The following CDH13 variants were observed in gnomAD, a reference collection of about 807,000 sequenced individuals.
CDH13 encodes the protein cadherin 13.
In CDH13, 24 loss-of-function variants were observed where a neutral mutation model predicts 63.8. The ratio of observed to expected loss-of-function variants is 0.38; its 90% CI spans 0.27 to 0.53. CDH13 has a LOEUF of 0.53. Among genes scored for constraint, CDH13 ranks in the 20% least tolerant of loss-of-function variants. The pLI, the probability that CDH13 is intolerant of heterozygous loss-of-function variation, is 0.85. For synonymous variants in CDH13, 503 were observed against 355.3 expected (o/e 1.42, Z -4.67); for missense variants, 1,049 against 903.1 (o/e 1.16, Z -2.07).
intron 2 of CDH13, among the ~76,000 whole-genome samples, chr16:82,919,334 A>AT (rs2042086141): frequency 6.6e-6 from 1 of 152,006 alleles, no homozygotes; most frequent in African/African-American, 2.4e-5. Flanking sequence ...TCCAATAGTT[A>AT]TTTTTTTCTG....
chr16:82,747,248 A>G (rs1242261276), intron 1 of CDH13, among the ~76,000 whole-genome samples: 2 of 152,194 alleles, frequency 1.3e-5, no homozygotes, highest in Non-Finnish European at 2.9e-5. Context: ...ACCTGGTTAG[A>G]AATTCATAAT....
At chr16:83,381,324 C>T (rs773476167) in intron 6 of CDH13, among the ~76,000 whole-genome samples, 1 of 152,054 alleles carries the variant, frequency 6.6e-6, no homozygotes, top group South Asian at 2.1e-4. Flanking sequence ...CTTTCCCTGC[C>T]CCTTCATGTC....
chr16:82,967,403 C>T (rs559270215), intron 2 of CDH13, among the ~76,000 whole-genome samples: 5 of 152,228 alleles, frequency 3.3e-5, no homozygotes, highest in African/African-American at 1.2e-4. Context: ...GTGTATGCTC[C>T]CTGGGGACTG....
chr16:83,410,575 C>G (rs1020926171), intron 6 of CDH13, among the ~76,000 whole-genome samples: 1 of 152,094 alleles, frequency 6.6e-6, no homozygotes, highest in Non-Finnish European at 1.5e-5. Flanking sequence ...GTATTACCAT[C>G]TTTTGTAAGC....
At chr16:82,635,362 G>A (rs1908526208) in intron 1 of CDH13, among the ~76,000 whole-genome samples, 1 of 152,234 alleles carries the variant, frequency 6.6e-6, no homozygotes, top group Admixed American at 6.5e-5. Context: ...AGTAGAGGGT[G>A]TGGGTGGGGA....
rs568048003 is a variant in CDH13 at position 82,775,080 on chromosome 16, G to C, written c.46-83282G>C. 3.9e-5 allele frequency among the ~76,000 whole-genome samples: 6 copies of C among 152,330 alleles called. No homozygotes were observed. In the South Asian group the frequency reaches 8.3e-4, roughly 21 times the overall value. ...AGAGTAGAATAGGGTATGGTGAACA[G>C]GAGATGTCTCTACCACTCACTTGGG... On this transcript the variant is annotated intron_variant, in intron 1 of 13. Coordinates refer to ENST00000567109, the MANE Select transcript of CDH13 (RefSeq NM_001257.5).
chr16:83,679,485 G>A (rs180912396), intron 10 of CDH13, among the ~76,000 whole-genome samples: 152 of 152,338 alleles, frequency 1.0e-3, no homozygotes, highest in African/African-American at 3.5e-3. Flanking sequence ...GAGCAAGCCG[G>A]TGGAGAAGAA....
At chr16:83,336,455 A>G (rs2090600011) in intron 5 of CDH13, among the ~76,000 whole-genome samples, 2 of 152,298 alleles carry the variant, frequency 1.3e-5, no homozygotes, top group East Asian at 3.9e-4. Context: ...AGTGCCCCAG[A>G]GAGGTAATTC....
chr16:83,680,548 G>A (rs558978320), intron 10 of CDH13, among the ~76,000 whole-genome samples: 19 of 152,256 alleles, frequency 1.2e-4, no homozygotes, highest in African/African-American at 4.3e-4. Context: ...TGAGCCATGG[G>A]GAGCAAAGGT....
chr16:82,697,739 TTGTGTGTGTGTGTGTG>T (rs56791322), intron 1 of CDH13, among the ~76,000 whole-genome samples: 1,641 of 146,666 alleles, frequency 0.011, 17 homozygotes, highest in East Asian at 0.014. Flanking sequence ...GGCCGAGGCA[TTGTGTGTGTGTGTGTG>T]TGTGTGTGTG....
At chr16:83,455,179 G>A (rs937833538) in intron 6 of CDH13, among the ~76,000 whole-genome samples, 17 of 152,164 alleles carry the variant, frequency 1.1e-4, no homozygotes, top group African/African-American at 2.9e-4. Context: ...ATGAACCCAC[G>A]TATCTCTGAC....
chr16:83,780,449 C>T (rs945516725), intron 12 of CDH13, among the ~76,000 whole-genome samples: 1 of 152,202 alleles, frequency 6.6e-6, no homozygotes, highest in South Asian at 2.1e-4. Flanking sequence ...ATACTGTACA[C>T]CCTGTGTTGT....
chr16:83,244,857 T>A (rs1449332518), intron 5 of CDH13, among the ~76,000 whole-genome samples: 5 of 151,402 alleles, frequency 3.3e-5, no homozygotes, highest in Non-Finnish European at 7.4e-5. Flanking sequence ...CTGCCCAGAG[T>A]TTTTCCTGGA....
chr16:83,581,995 G>A (rs1905653669), intron 7 of CDH13, among the ~76,000 whole-genome samples: 1 of 152,132 alleles, frequency 6.6e-6, no homozygotes, highest in Non-Finnish European at 1.5e-5. Context: ...CTATGGCTCT[G>A]TCCACACTGG....
chr16:82,698,029 A>T, intron 1 of CDH13, among the ~76,000 whole-genome samples: 1 of 152,150 alleles, frequency 6.6e-6, no homozygotes, highest in East Asian at 1.9e-4. Context: ...CATAGGGGCT[A>T]TAAAGAAGTA....
intron 1 of CDH13, among the ~76,000 whole-genome samples, chr16:82,805,553 A>T (rs2037099455): frequency 6.6e-6 from 1 of 152,154 alleles, no homozygotes; most frequent in Non-Finnish European, 1.5e-5. Context: ...CCAATGACAG[A>T]TAGTTGAGGA....
At chr16:82,738,545 C>T (rs1387606387) in intron 1 of CDH13, among the ~76,000 whole-genome samples, 1 of 152,206 alleles carries the variant, frequency 6.6e-6, no homozygotes, top group Non-Finnish European at 1.5e-5. Flanking sequence ...TAGTAGTTAG[C>T]CCTCCGCTAC....
chr16:82,638,164 T>C (rs145282868), intron 1 of CDH13, among the ~76,000 whole-genome samples: 136 of 152,284 alleles, frequency 8.9e-4, no homozygotes, highest in African/African-American at 2.9e-3. Context: ...CTACCAACTA[T>C]GAAGAACGCT....
At chr16:82,768,859 G>C (rs181047692) in intron 1 of CDH13, among the ~76,000 whole-genome samples, 10 of 152,134 alleles carry the variant, frequency 6.6e-5, no homozygotes, top group Admixed American at 5.2e-4. Flanking sequence ...TTCTGTGTCC[G>C]CAGGCTCCCT....
Sources: allele counts gnomAD v4.1 joint callset (sites outside exome capture counted in the v4.1 genomes callset), GRCh38; gene constraint gnomAD v4.1.1; transcripts MANE v1.5; gene names NCBI Gene and HGNC (gene_info 2026-07-23, HGNC 2026-07-21).